The following NEMP2 variants were observed in gnomAD, a reference collection of about 807,000 sequenced individuals.
NEMP2 encodes the protein UPF0571 transmembrane protein.
In NEMP2, 53 loss-of-function variants were observed where a neutral mutation model predicts 54.2. The ratio of observed to expected loss-of-function variants is 0.98; its 90% CI spans 0.78 to 1.23. The LOEUF (loss-of-function observed/expected upper bound fraction) is 1.23, where lower values mean the gene tolerates loss of function less well. NEMP2 is among the 50% of genes most tolerant of loss of function. The probability of loss-of-function intolerance (pLI) is 0.00; values close to 1 mark genes in which losing one functional copy is unlikely to be tolerated. For synonymous variants in NEMP2, 197 were observed against 190.3 expected, an observed-to-expected ratio of 1.04 and a Z score of -0.29; for missense variants, 455 against 511.3, an observed-to-expected ratio of 0.89 and a Z score of 1.06.
At chr2:190,551,891 G>A in the NEMP2 span, among the ~76,000 whole-genome samples, 1 of 152,042 alleles carries the variant, frequency 6.6e-6, no homozygotes, top group Admixed American at 6.6e-5. Context: ...CTCCTCTCCC[G>A]TTATCTGGGC....
the NEMP2 span, among the ~76,000 whole-genome samples, chr2:190,499,145 C>A: frequency 2.0e-5 from 3 of 152,066 alleles, no homozygotes; most frequent in African/African-American, 7.3e-5. This position sits in a 1 kb window ranked among gnomAD's most constrained non-coding sequence, Gnocchi z 6.0. Context: ...GAGACTCCGT[C>A]TCAAAATTAT....
the NEMP2 span, among the ~76,000 whole-genome samples, chr2:190,644,509 A>C: frequency 7.2e-5 from 11 of 152,344 alleles, no homozygotes; most frequent in East Asian, 2.1e-3. The surrounding 1 kb of genome is among the most constrained non-coding windows in gnomAD (Gnocchi z 4.4). Context: ...TTCCATTCAG[A>C]AGCACAAAAA....
chr2:190,643,023 G>GTTTTTTTTTTT, the NEMP2 span, among the ~76,000 whole-genome samples: 2 of 79,566 alleles, frequency 2.5e-5, 1 homozygote. Flanking sequence ...AATGGTTAAG[G>GTTTTTTTTTTT]TTTTTTTTTT....
At chr2:190,503,641 A>C (rs1302721841), downstream of NEMP2, among the ~76,000 whole-genome samples, 1 of 152,156 alleles carries the variant, frequency 6.6e-6, no homozygotes, top group East Asian at 1.9e-4. The surrounding 1 kb of genome is among the most constrained non-coding windows in gnomAD (Gnocchi z 6.3). Context: ...TCCATTTGGA[A>C]GTTCTTCAGC....
chr2:190,648,520 T>TC, the NEMP2 span: 1 of 95,016 alleles, frequency 1.1e-5, no homozygotes, highest in African/African-American at 3.8e-5. Context: ...GCTGTTGTTT[T>TC]TTTTTTTTTT....
chr2:190,513,139 G>T lies in NEMP2; in HGVS notation c.953+1314C>A, dbSNP rs1690429136. On this transcript the variant is annotated intron_variant, in intron 7 of 8. Coordinates refer to ENST00000409150, the MANE Select transcript of NEMP2 (RefSeq NM_001142645.2). The surrounding 1 kb of genome is among the most constrained non-coding windows in gnomAD (Gnocchi z 5.3). ...CCACCTGCTGTGCCAGAAGACAGAT[G>T]GGCCACATCCCACCAGCCAATGAGT... 6.6e-6 allele frequency among the ~76,000 whole-genome samples: 1 copy of T among 152,184 alleles called. No individual in the cohort carries two copies. Among genetic ancestry groups the T allele is most frequent in the Admixed American group, 6.5e-5 (1 of 15,286 alleles).
At position 190,528,222 on chromosome 2, in the gene NEMP2, T is replaced by C. The variant is rs1004614044; in HGVS notation, c.98-2844A>G. On this transcript the variant is annotated intron_variant, in intron 1 of 8. Transcript: ENST00000409150. This position sits in a 1 kb window ranked among gnomAD's most constrained non-coding sequence, Gnocchi z 4.3. Reference sequence around the variant, plus strand: ...ATATCAAAGGGCTGGCAGCTACCTATAGAAAAGAAGAATGTCAAGGAATGT... The same window carrying C: ...ATATCAAAGGGCTGGCAGCTACCTACAGAAAAGAAGAATGTCAAGGAATGT... Among the ~76,000 whole-genome samples the C allele has an allele frequency of 6.6e-6, 1 of 152,034 alleles. No individual in the cohort carries two copies. Among genetic ancestry groups the C allele is most frequent in the Non-Finnish European group, 1.5e-5 (1 of 68,008 alleles).
chr2:190,510,903 C>G lies in NEMP2; in HGVS notation c.954-366G>C, dbSNP rs1277597604. On this transcript the variant is annotated intron_variant, in intron 7 of 8. Coordinates refer to ENST00000409150, the MANE Select transcript of NEMP2 (RefSeq NM_001142645.2). The surrounding 1 kb of genome is among the most constrained non-coding windows in gnomAD (Gnocchi z 5.7). ...CTCAAAAAAAAAAAAAAAAGATTTA[C>G]AAAAATACATTTCTTAGATGGTAAC... 6.6e-6 allele frequency among the ~76,000 whole-genome samples: 1 copy of G among 150,446 alleles called. No homozygotes were observed. The highest frequency in any genetic ancestry group is 1.5e-5 in the Non-Finnish European group (1 of 67,428).
chr2:190,590,728 T>A, the NEMP2 span, among the ~76,000 whole-genome samples: 1 of 152,202 alleles, frequency 6.6e-6, no homozygotes, highest in Non-Finnish European at 1.5e-5. This position sits in a 1 kb window ranked among gnomAD's most constrained non-coding sequence, Gnocchi z 5.1. Context: ...TTTATTTTTC[T>A]CCTAATGGCA....
At chr2:190,608,626 A>T in the NEMP2 span, 1 of 152,152 alleles carries the variant, frequency 6.6e-6, no homozygotes, top group Non-Finnish European at 1.5e-5. This position sits in a 1 kb window ranked among gnomAD's most constrained non-coding sequence, Gnocchi z 4.9. Flanking sequence ...ATCCCCTGAA[A>T]CGAGTGACAC....
At chr2:190,456,969 A>C in the NEMP2 span, among the ~76,000 whole-genome samples, 3 of 152,130 alleles carry the variant, frequency 2.0e-5, no homozygotes, top group Non-Finnish European at 4.4e-5. This position sits in a 1 kb window ranked among gnomAD's most constrained non-coding sequence, Gnocchi z 5.4. Context: ...AAAGTTTAAA[A>C]TGTCAACCGT....
the NEMP2 span, among the ~76,000 whole-genome samples, chr2:190,621,706 A>G: frequency 5.3e-5 from 8 of 152,228 alleles, no homozygotes; most frequent in African/African-American, 1.9e-4. Flanking sequence ...ATAAATATCA[A>G]TGGAATAGAA....
the NEMP2 span, among the ~76,000 whole-genome samples, chr2:190,448,920 C>T: frequency 6.6e-6 from 1 of 152,140 alleles, no homozygotes; most frequent in Non-Finnish European, 1.5e-5. Context: ...TAACCGTCCT[C>T]CTGTAGAAGA....
At chr2:190,472,556 G>A in the NEMP2 span, among the ~76,000 whole-genome samples, 1 of 152,226 alleles carries the variant, frequency 6.6e-6, no homozygotes, top group Non-Finnish European at 1.5e-5. Flanking sequence ...AAAAAGAAAC[G>A]AACAAAGCCT....
the NEMP2 span, among the ~76,000 whole-genome samples, chr2:190,432,486 G>A: frequency 6.6e-6 from 1 of 152,078 alleles, no homozygotes; most frequent in African/African-American, 2.4e-5. Context: ...GCGTGATCTC[G>A]GCTCTCTGCA....
At chr2:190,469,304 C>T in the NEMP2 span, among the ~76,000 whole-genome samples, 1 of 152,162 alleles carries the variant, frequency 6.6e-6, no homozygotes, top group South Asian at 2.1e-4. This position sits in a 1 kb window ranked among gnomAD's most constrained non-coding sequence, Gnocchi z 5.3. Context: ...AGGCCACATT[C>T]GTGTTTACAT....
chr2:190,605,373 A>G, the NEMP2 span, among the ~76,000 whole-genome samples: 1 of 137,632 alleles, frequency 7.3e-6, no homozygotes, highest in Non-Finnish European at 1.6e-5. Context: ...TTATTTATTT[A>G]TTTATTTATT....
At chr2:190,437,490 C>T in the NEMP2 span, 2 of 1,614,216 alleles carry the variant, frequency 1.2e-6, no homozygotes, top group Non-Finnish European at 1.7e-6. This position sits in a 1 kb window ranked among gnomAD's most constrained non-coding sequence, Gnocchi z 5.9. Context: ...TCTGTTCAGT[C>T]CTGAGTCATG....
rs2125311051 is a variant in NEMP2 at position 190,513,539 on chromosome 2, C to T, written c.953+914G>A. ...TCAGAGTGGACCAACTAAAATGTCT[C>T]ATGGTTAAACCCCACTGTGTACAGG... On this transcript the variant is annotated intron_variant, in intron 7 of 8. Transcript: ENST00000409150. This position sits in a 1 kb window ranked among gnomAD's most constrained non-coding sequence, Gnocchi z 5.3. Among the ~76,000 whole-genome samples the T allele has an allele frequency of 6.6e-6, 1 of 152,340 alleles. No homozygotes were observed. Among genetic ancestry groups the T allele is most frequent in the East Asian group, 1.9e-4 (1 of 5,188 alleles).
Sources: gnomAD v4.1 joint callset for allele counts (sites outside exome capture counted in the v4.1 genomes callset) on GRCh38, gnomAD v4.1.1 for gene constraint, Gnocchi (gnomAD v3.1) non-coding constraint, MANE v1.5 for transcripts, NCBI Gene and HGNC (gene_info 2026-07-23, HGNC 2026-07-21) for gene names.